The following OGG1 variants were observed in gnomAD, a reference collection of about 807,000 sequenced individuals.
The protein encoded by OGG1 is 8-oxoguanine DNA glycosylase.
Under a neutral mutation model 42.3 loss-of-function variants are expected in OGG1, and 35 were observed. The observed-to-expected ratio is 0.83, with a 90% confidence interval of 0.63 to 1.10. The LOEUF is 1.10. Ranked by LOEUF, OGG1 falls within the 50% of genes least tolerant of loss-of-function variation. OGG1 has a pLI of 0.00. For synonymous variants in OGG1, 189 were observed against 179.0 expected (o/e 1.06, Z -0.44); for missense variants, 484 against 446.7 (o/e 1.08, Z -0.75).
rs1326509091 is a variant in OGG1, at chr3:9,757,377, A to G, written c.*227A>G. On this transcript the variant is annotated 3_prime_UTR_variant, in exon 7 of 7. Coordinates refer to ENST00000344629, the MANE Select transcript of OGG1 (RefSeq NM_002542.6). This position sits in a 1 kb window ranked among gnomAD's most constrained non-coding sequence, Gnocchi z 4.5. ...TTATCTTCCCTTTATTACAAGAAGG[A>G]ACAATAAAATAGAAACATTTGTATG... 1 of 1,613,528 alleles carries G rather than the reference A, an allele frequency of 6.2e-7. No individual in the cohort carries two copies. Among genetic ancestry groups the G allele is most frequent in the Admixed American group, 1.7e-5 (1 of 59,890 alleles).
At position 9,757,155 on chromosome 3, in the gene OGG1, G is replaced by A. The variant is rs376613823; in HGVS notation, c.*5G>A. The A allele has an allele frequency of 8.1e-6, 13 of 1,614,030 alleles. No homozygotes were observed. Among genetic ancestry groups the A allele is most frequent in the Non-Finnish European group, 1.1e-5 (13 of 1,179,966 alleles). The stretch of plus-strand genomic sequence containing the variant: ...TCCAAAGGGCCGGAAGGCTAGATGG[G>A]GCACCCTGGACAAAGAAATTCCCCA... On this transcript the variant is annotated 3_prime_UTR_variant, in exon 7 of 7. Coordinates refer to ENST00000344629, the MANE Select transcript of OGG1 (RefSeq NM_002542.6). This position sits in a 1 kb window ranked among gnomAD's most constrained non-coding sequence, Gnocchi z 4.5.
intron 3 of OGG1, chr3:9,787,069 T>C: frequency 6.2e-7 from 1 of 1,614,220 alleles, no homozygotes; most frequent in South Asian, 1.1e-5. Context: ...CTTCCGGCTG[T>C]TCATGCTGGG....
intron 2 of OGG1, among the ~76,000 whole-genome samples, chr3:9,778,406 T>G (rs1209443355): frequency 6.6e-6 from 1 of 152,206 alleles, no homozygotes; most frequent in African/African-American, 2.4e-5. Context: ...TCACTTGTAA[T>G]AGGCCTTTTT....
At chr3:9,790,090 CTAG>C, downstream of OGG1, 1 of 1,197,360 alleles carries the variant, frequency 8.4e-7, no homozygotes, top group Non-Finnish European at 1.1e-6. Context: ...CTCTTTTTAC[CTAG>C]TAAACTCTTA....
intron 3 of OGG1, chr3:9,784,076 A>C: frequency 6.2e-7 from 1 of 1,614,162 alleles, no homozygotes. Context: ...AAGTGCCTTC[A>C]GCTCAGCCTG....
chr3:9,780,882 C>T (rs185585197), intron 2 of OGG1, among the ~76,000 whole-genome samples: 1 of 152,292 alleles, frequency 6.6e-6, no homozygotes, highest in East Asian at 1.9e-4. Flanking sequence ...TTCACATCTG[C>T]AGTCCCAGCA....
downstream of OGG1, chr3:9,759,624 T>G: frequency 6.2e-7 from 1 of 1,614,094 alleles, no homozygotes. Context: ...GAAGCAGACC[T>G]GAGGGCCCCA....
downstream of OGG1, chr3:9,757,460 T>C (rs1363075384): frequency 1.9e-6 from 3 of 1,602,286 alleles, no homozygotes; most frequent in Non-Finnish European, 1.7e-6. This position sits in a 1 kb window ranked among gnomAD's most constrained non-coding sequence, Gnocchi z 4.5. Context: ...GCAGAGAAAC[T>C]CCCGGTTCAG....
At chr3:9,787,247 C>G in intron 3 of OGG1, 1 of 1,614,234 alleles carries the variant, frequency 6.2e-7, no homozygotes, top group Non-Finnish European at 8.5e-7. Context: ...TTCTTCTTGT[C>G]AGCCACAGCC....
At chr3:9,782,075 C>G (rs1199703943) in intron 3 of OGG1, among the ~76,000 whole-genome samples, 1 of 152,070 alleles carries the variant, frequency 6.6e-6, no homozygotes, top group African/African-American at 2.4e-5. Context: ...TGAGCTCAAA[C>G]AAGCCTCCCA....
In OGG1 at chr3:9,756,482, C is replaced by T; in HGVS notation, c.759C>T (p.Cys253=). ...LPGVGTKVAD[C]ICLMALDKPQ... ...TGTGTCTGTCAAAGGTGGCTGACTG[C>T]ATCTGCCTGATGGCCCTAGACAAGC... The change falls in exon 5 of 7, where the codon TGC becomes TGT. Residue 253 remains cysteine (C), a synonymous_variant. Coordinates refer to ENST00000344629, the MANE Select transcript of OGG1 (RefSeq NM_002542.6). The T allele has an allele frequency of 1.9e-6, 3 of 1,614,182 alleles. No individual in the cohort carries two copies.
chr3:9,767,632 C>T, downstream of OGG1: 1 of 1,613,072 alleles, frequency 6.2e-7, no homozygotes, highest in Non-Finnish European at 8.5e-7. Flanking sequence ...CAGCCTCCCT[C>T]AGCCATCCAG....
chr3:9,765,614 C>T (rs1411542593), intron 7 of OGG1: 15 of 957,146 alleles, frequency 1.6e-5, no homozygotes, highest in Non-Finnish European at 2.4e-5. Flanking sequence ...ACAACCCTGC[C>T]AAGTGGAAAT....
intron 7 of OGG1, chr3:9,763,052 C>G (rs766621313): frequency 6.2e-7 from 1 of 1,614,134 alleles, no homozygotes; most frequent in African/African-American, 1.3e-5. Context: ...CACCCGACAC[C>G]CTGCAGCAGG....
At chr3:9,780,380 T>C (rs758687918) in intron 2 of OGG1, 48 of 1,613,104 alleles carry the variant, frequency 3.0e-5, no homozygotes, top group Non-Finnish European at 4.0e-5. Context: ...AGCTTCAGGA[T>C]GCTCTCACGC....
downstream of OGG1, chr3:9,759,391 G>A: frequency 6.4e-7 from 1 of 1,571,046 alleles, no homozygotes. Flanking sequence ...GTTACTGTGT[G>A]CCCAGTGTGA....
chr3:9,761,640 C>G (rs1254882423), downstream of OGG1: 1 of 1,614,042 alleles, frequency 6.2e-7, no homozygotes, highest in Non-Finnish European at 8.5e-7. Context: ...CCCACGTATC[C>G]CGGAGTTCCA....
At chr3:9,751,219 A>G in intron 2 of OGG1, 27 bp downstream of exon 2, 1 of 1,611,136 alleles carries the variant, frequency 6.2e-7, no homozygotes. Context: ...GGCTGGGGTT[A>G]GGGTTCTTGG....
At chr3:9,754,616 C>T (rs1018491825) in intron 3 of OGG1, 88 bp from the exon 4 acceptor site, 51 of 1,436,476 alleles carry the variant, frequency 3.6e-5, no homozygotes, top group Non-Finnish European at 4.4e-5. Flanking sequence ...GAAAAGCACT[C>T]TTGTGAGGTA....
Sources: gnomAD v4.1 joint callset for allele counts (sites outside exome capture counted in the v4.1 genomes callset) on GRCh38, gnomAD v4.1.1 for gene constraint, Gnocchi (gnomAD v3.1) non-coding constraint, MANE v1.5 for transcripts, NCBI Gene and HGNC (gene_info 2026-07-23, HGNC 2026-07-21) for gene names.